Variants in TPTE2 observed in about 807,000 individuals in gnomAD.
The protein encoded by TPTE2 is phosphatidylinositol 3,4,5-trisphosphate 3-phosphatase TPTE2.
In TPTE2, 53 loss-of-function variants were observed where a neutral mutation model predicts 78.6. That is an observed-to-expected ratio of 0.67 (90% CI 0.54 to 0.85). The LOEUF (loss-of-function observed/expected upper bound fraction) is 0.85, where lower values mean the gene tolerates loss of function less well. Ranked by LOEUF, TPTE2 falls within the 40% of genes least tolerant of loss-of-function variation. The probability of loss-of-function intolerance (pLI) is 0.00; values close to 1 mark genes in which losing one functional copy is unlikely to be tolerated. For missense variants in TPTE2, 461 were observed against 623.0 expected, an observed-to-expected ratio of 0.74 and a Z score of 2.77; for synonymous variants, 175 against 206.2, an observed-to-expected ratio of 0.85 and a Z score of 1.30.
chr13:19,491,732 G>T (rs1880999733), intron 3 of TPTE2, among the ~76,000 whole-genome samples: 1 of 152,108 alleles, frequency 6.6e-6, no homozygotes, highest in Non-Finnish European at 1.5e-5. Context: ...GGCTGAGGCA[G>T]GAAAATCGCT....
At chr13:19,453,041 T>C (rs538947104) in intron 10 of TPTE2, among the ~76,000 whole-genome samples, 249 of 149,066 alleles carry the variant, frequency 1.7e-3, no homozygotes, top group African/African-American at 5.9e-3. Flanking sequence ...TTTTATTTTA[T>C]TTTGAGATGG....
intron 13 of TPTE2, 190 bp from the exon 17 acceptor site, chr13:19,438,343 G>A (rs537319704): frequency 2.2e-5 from 22 of 985,262 alleles, no homozygotes; most frequent in Admixed American, 1.2e-4. Context: ...TGAAAAATAC[G>A]CAAATTACAT....
At chr13:19,428,503 C>A (rs1236562956) in intron 17 of TPTE2, among the ~76,000 whole-genome samples, 1 of 151,836 alleles carries the variant, frequency 6.6e-6, no homozygotes, top group South Asian at 2.1e-4. Flanking sequence ...CAAACAATGT[C>A]GGGCAGTGTG....
At chr13:19,560,652 G>A in the TPTE2 span, 1 of 1,555,286 alleles carries the variant, frequency 6.4e-7, no homozygotes, top group African/African-American at 1.4e-5. Flanking sequence ...GGTCGGGCAA[G>A]GCATAGAGCT....
chr13:19,447,277 C>T (rs1877904503), intron 13 of TPTE2, among the ~76,000 whole-genome samples: 2 of 152,028 alleles, frequency 1.3e-5, no homozygotes, highest in African/African-American at 4.8e-5. Context: ...TAAACCCCCT[C>T]TCAGCAAAAA....
chr13:19,493,837 C>T (rs1434523541), intron 1 of TPTE2, among the ~76,000 whole-genome samples: 1 of 152,172 alleles, frequency 6.6e-6, no homozygotes, highest in Non-Finnish European at 1.5e-5. Flanking sequence ...TTATTCCATT[C>T]AATGTCCTGC....
intron 3 of TPTE2, among the ~76,000 whole-genome samples, chr13:19,488,827 T>C (rs1299612411): frequency 2.0e-5 from 3 of 152,216 alleles, no homozygotes; most frequent in Admixed American, 6.5e-5. Context: ...AAGAAGTTTT[T>C]TGGCTTTTCT....
chr13:19,491,864 A>G (rs576275790), intron 3 of TPTE2, among the ~76,000 whole-genome samples: 1 of 152,268 alleles, frequency 6.6e-6, no homozygotes, highest in African/African-American at 2.4e-5. Context: ...TAATTTGCCC[A>G]TGCGTCCAAC....
intron 13 of TPTE2, among the ~76,000 whole-genome samples, chr13:19,442,918 A>G (rs1365781078): frequency 6.6e-6 from 1 of 152,170 alleles, no homozygotes; most frequent in African/African-American, 2.4e-5. Flanking sequence ...CTCTCCAGAG[A>G]AAACTCTAGG....
At chr13:19,550,609 A>G in the TPTE2 span, among the ~76,000 whole-genome samples, 2 of 152,248 alleles carry the variant, frequency 1.3e-5, no homozygotes, top group Admixed American at 1.3e-4. Context: ...CACCAATCTC[A>G]TATAATGAGT....
rs1880378514 is a variant in TPTE2 at position 19,481,878 on chromosome 13, C to T, written c.179+610G>A. On this transcript the variant is annotated intron_variant, in intron 4 of 19. Coordinates refer to ENST00000400230, the Ensembl canonical transcript of TPTE2. ...CACAAGCTGGTGAATGGTTATACAA[C>T]TGGGCAAGAAAGAAGCAGAAGAAAA... 6.6e-5 allele frequency among the ~76,000 whole-genome samples: 10 copies of T among 152,202 alleles called. No individual in the cohort carries two copies. In the South Asian group the frequency reaches 2.1e-3, roughly 32 times the overall value.
the TPTE2 span, among the ~76,000 whole-genome samples, chr13:19,549,269 G>T: frequency 1.3e-5 from 2 of 151,960 alleles, no homozygotes; most frequent in African/African-American, 4.8e-5. Flanking sequence ...ACCAACAAAG[G>T]TCTAATATCC....
intron 2 of TPTE2, among the ~76,000 whole-genome samples, chr13:19,493,111 C>T (rs78905604): frequency 6.6e-6 from 1 of 151,524 alleles, no homozygotes; most frequent in Non-Finnish European, 1.5e-5. Flanking sequence ...CCTTTTTATA[C>T]AACTCCACCA....
At chr13:19,520,608 T>C (rs1460411172) in intron 1 of TPTE2, among the ~76,000 whole-genome samples, 1 of 151,954 alleles carries the variant, frequency 6.6e-6, no homozygotes, top group Non-Finnish European at 1.5e-5. Context: ...TTATTTTCAC[T>C]CTAACATTTA....
chr13:19,452,670 T>G (rs1347441750), intron 10 of TPTE2, among the ~76,000 whole-genome samples: 1 of 152,174 alleles, frequency 6.6e-6, no homozygotes, highest in African/African-American at 2.4e-5. Context: ...AATCCAATGC[T>G]GGCAAAATAA....
intron 1 of TPTE2, among the ~76,000 whole-genome samples, chr13:19,532,536 C>T (rs1241097263): frequency 2.0e-5 from 3 of 152,176 alleles, no homozygotes; most frequent in Non-Finnish European, 1.5e-5. Context: ...GACTTCCTAG[C>T]GTCCAGACCT....
At chr13:19,541,969 T>G in the TPTE2 span, among the ~76,000 whole-genome samples, 1 of 152,190 alleles carries the variant, frequency 6.6e-6, no homozygotes, top group African/African-American at 2.4e-5. Context: ...GTTTGTTTTC[T>G]GGGAAGATTT....
In TPTE2 at chr13:19,442,242, T is replaced by A. The variant is rs1877545700; in HGVS notation, c.974-4089A>T. On this transcript the variant is annotated intron_variant, in intron 13 of 19. Transcript: ENST00000400230. Reference sequence around the variant, plus strand: ...AAAAAAATACATAGTATGTTCTGTGTCCACAACAAAATGTAATAAATCAAA... The same window carrying A: ...AAAAAAATACATAGTATGTTCTGTGACCACAACAAAATGTAATAAATCAAA... Among the ~76,000 whole-genome samples the A allele has an allele frequency of 2.0e-5, 3 of 152,038 alleles. No individual in the cohort carries two copies. The South Asian group carries it at 6.2e-4, about 32-fold the overall frequency.
At chr13:19,434,309 G>C (rs1183076626) in intron 15 of TPTE2, among the ~76,000 whole-genome samples, 1 of 152,194 alleles carries the variant, frequency 6.6e-6, no homozygotes, top group Non-Finnish European at 1.5e-5. Context: ...TCTAGGAAAA[G>C]GGGCATGAGC....
Sources: gnomAD v4.1 joint callset for allele counts (sites outside exome capture counted in the v4.1 genomes callset) on GRCh38, gnomAD v4.1.1 for gene constraint, MANE v1.5 for transcripts, NCBI Gene and HGNC (gene_info 2026-07-23, HGNC 2026-07-21) for gene names.